AOC2: variants seen among roughly 807,000 people sequenced by gnomAD.
AOC2 encodes the protein amine oxidase [copper-containing] 2.
AOC2 carries 57 observed loss-of-function variants against 53.8 expected under a neutral mutation model. The observed-to-expected ratio is 1.06, with a 90% CI of 0.86 to 1.32. The LOEUF (loss-of-function observed/expected upper bound fraction) is 1.32. Ranked by LOEUF, AOC2 falls within the 40% of genes most tolerant of loss-of-function variation. The pLI, the probability that AOC2 is intolerant of heterozygous loss-of-function variation, is 0.00. For synonymous variants in AOC2, 404 were observed against 399.0 expected, an observed-to-expected ratio of 1.01 and a Z score of -0.15; for missense variants, 1,008 against 957.2, an observed-to-expected ratio of 1.05 and a Z score of -0.70.
In AOC2 at chr17:42,849,728, G is replaced by C; in HGVS notation, c.2002G>C (p.Glu668Gln). 1 of 1,614,214 alleles carries C rather than the reference G, an allele frequency of 6.2e-7. No homozygotes were observed. Among genetic ancestry groups the C allele is most frequent in the South Asian group, 1.1e-5 (1 of 91,078 alleles). ...CATCAACAATGAAACCCTCTTAGGAGAGGTTGGTTGCCCTAGGGACATAGG... is the reference window on the plus strand; with the variant it reads ...CATCAACAATGAAACCCTCTTAGGACAGGTTGGTTGCCCTAGGGACATAGG... The part of the protein sequence containing the change: ...DFINNETLLG[E>Q]DLVAWVTASF... Residue 668 changes from glutamate (E) to glutamine (Q), a missense_variant and splice_region_variant, in exon 3 of 4, where the codon GAG (glutamate) becomes CAG (glutamine). Physicochemically the swap from Glu to Gln is conservative, Grantham distance 29. Transcript: ENST00000253799.
At position 42,849,140 on chromosome 17, in the gene AOC2, C is replaced by G. The variant is rs1448097858; in HGVS notation, c.1643C>G (p.Pro548Arg). The G allele has an allele frequency of 6.2e-7, 1 of 1,614,132 alleles. No homozygotes were observed. The highest frequency in any genetic ancestry group is 8.5e-7 in the Non-Finnish European group (1 of 1,179,998). ...GTGGTGTTTAAACCTGTGGCTGCCC[C>G]CTGGAACCCGGAGCACTGGCTACAG... ...EDVVFKPVAAPWNPEHWLQRP... is the reference protein window; with the variant it reads ...EDVVFKPVAARWNPEHWLQRP... Residue 548 changes from proline (P) to arginine (R), a missense_variant, in exon 2 of 4, where the codon CCC becomes CGC. Transcript: ENST00000253799.
rs772023087 is a variant in AOC2, at chr17:42,844,924, C to A, written c.298C>A (p.Pro100Thr). The change falls in exon 1 of 4, where the codon CCC becomes ACC. Residue 100 changes from proline (P) to threonine (T), a missense_variant. Pro to Thr is a conservative substitution (Grantham distance 38). Coordinates refer to ENST00000253799, the MANE Select transcript of AOC2 (RefSeq NM_009590.4). ...NCIFSVELQL[P>T]PKAAALAHLD... ...CATCTTCTCAGTGGAGCTGCAGCTGCCCCCCAAGGCTGCAGCCCTGGCCCA... is the reference window on the plus strand; with the variant it reads ...CATCTTCTCAGTGGAGCTGCAGCTGACCCCCAAGGCTGCAGCCCTGGCCCA... 1 of 1,612,324 alleles carries A rather than the reference C, an allele frequency of 6.2e-7. No individual in the cohort carries two copies. Among genetic ancestry groups the A allele is most frequent in the Non-Finnish European group, 8.5e-7 (1 of 1,179,122 alleles).
At position 42,845,236 on chromosome 17, in the gene AOC2, G is replaced by A. The variant is rs762752009; in HGVS notation, c.610G>A (p.Ala204Thr). The A allele has an allele frequency of 6.2e-7, 1 of 1,614,072 alleles. No individual in the cohort carries two copies. The highest frequency in any genetic ancestry group is 1.1e-5 in the South Asian group (1 of 91,088). ...CAACTACAATGGCTCTACCCTGGCA[G>A]CTGTGCATGCCACCCCTCGGGGCTT... ...TFNYNGSTLAAVHATPRGLRS... is the reference protein window; with the variant it reads ...TFNYNGSTLATVHATPRGLRS... The change falls in exon 1 of 4, where the codon GCT (alanine) becomes ACT (threonine). Residue 204 changes from alanine (A) to threonine (T), a missense_variant. Coordinates refer to ENST00000253799, the MANE Select transcript of AOC2 (RefSeq NM_009590.4).
At position 42,847,626 on chromosome 17, in the gene AOC2, GT is replaced by G. The variant is rs1437342090; in HGVS notation, c.1588+1416del. 2.0e-5 allele frequency among the ~76,000 whole-genome samples: 3 copies of G among 152,192 alleles called. No homozygotes were observed. In the East Asian group the frequency reaches 5.8e-4, roughly 29 times the overall value. On this transcript the variant is annotated intron_variant, in intron 1 of 3. Transcript: ENST00000253799. Reference sequence around the variant, plus strand: ...GCAGGGGACCATGGGAAGGGATTGGGTTTTCTTTTTTTGAGGCAGTGTCTCA... The same window carrying G: ...GCAGGGGACCATGGGAAGGGATTGGGTTTCTTTTTTTGAGGCAGTGTCTCA...
chr17:42,847,377 G>A (rs1409845937), intron 1 of AOC2, among the ~76,000 whole-genome samples: 1 of 152,240 alleles, frequency 6.6e-6, no homozygotes, highest in East Asian at 1.9e-4. Flanking sequence ...TCAGTGCAGT[G>A]CCTCCCGTGC....
chr17:42,849,565 AT>A, intron 2 of AOC2, 35 bp from the exon 3 acceptor site: 1 of 1,614,132 alleles, frequency 6.2e-7, no homozygotes. Context: ...GGCACTTGAC[AT>A]TTCCCAAAAC....
At position 42,850,484 on chromosome 17, in the gene AOC2, C is replaced by T. The variant is rs1190345879; in HGVS notation, c.*136C>T. On this transcript the variant is annotated 3_prime_UTR_variant, in exon 4 of 4. Transcript: ENST00000253799. The stretch of plus-strand genomic sequence containing the variant: ...TGTTCCTCTCACACGAAACCCCCAT[C>T]AGTCCCTTTGGTTAATTCTTACTTC... 2.9e-6 allele frequency: 3 copies of T among 1,052,292 alleles called. No homozygotes were observed. Among genetic ancestry groups the T allele is most frequent in the Non-Finnish European group, 4.0e-6 (3 of 748,140 alleles). 65.2% of individuals were successfully genotyped at this position (1,052,292 alleles called of 1,614,324 possible). A position where few individuals can be genotyped will look rare whatever the true frequency, so the allele number is the denominator to read the frequency against.
Position 42,849,102 on chromosome 17 carries a change from G to C in AOC2, c.1605G>C (p.Val535=), listed in dbSNP as rs1260621926. 2 of 1,609,038 alleles carry C rather than the reference G, an allele frequency of 1.2e-6. No homozygotes were observed. Among genetic ancestry groups the C allele is most frequent in the Non-Finnish European group, 1.7e-6 (2 of 1,175,832 alleles). ...DLDVAGLKNW[V]VAEDVVFKPV... ...CCCTGGCAGGGCTGAAAAACTGGGT[G>C]GTAGCTGAAGACGTGGTGTTTAAAC... Residue 535 remains valine, a synonymous_variant, in exon 2 of 4, where the codon GTG becomes GTC. Transcript: ENST00000253799.
Position 42,844,892 on chromosome 17 carries a change from A to G in AOC2, c.266A>G (p.Asp89Gly), listed in dbSNP as rs2055578203. Reference sequence around the variant, plus strand: ...GACGCAGCCCAGGCTCAGCCCTCGGACAACTGCATCTTCTCAGTGGAGCTG... The same window carrying G: ...GACGCAGCCCAGGCTCAGCCCTCGGGCAACTGCATCTTCTCAGTGGAGCTG... Reference protein sequence around the residue: ...LVDAAQAQPSDNCIFSVELQL... With the variant: ...LVDAAQAQPSGNCIFSVELQL... Residue 89 changes from aspartate to glycine, a missense_variant, in exon 1 of 4, where the codon GAC becomes GGC. Asp to Gly is a moderately conservative substitution (Grantham distance 94). Transcript: ENST00000253799. 6.2e-7 allele frequency: 1 copy of G among 1,612,934 alleles called. No individual in the cohort carries two copies. The highest frequency in any genetic ancestry group is 2.2e-5 in the East Asian group (1 of 44,852).
intron 1 of AOC2, among the ~76,000 whole-genome samples, chr17:42,846,887 T>TA (rs1303619499): frequency 6.6e-6 from 1 of 152,158 alleles, no homozygotes; most frequent in Non-Finnish European, 1.5e-5. Context: ...GAAAGGAACT[T>TA]ACAGACTCAC....
At chr17:42,848,546 C>CGTAT (rs1405077172) in intron 1 of AOC2, among the ~76,000 whole-genome samples, 2 of 117,690 alleles carry the variant, frequency 1.7e-5, no homozygotes, top group African/African-American at 7.8e-5. Context: ...TATATATATA[C>CGTAT]ATATATATAT....
chr17:42,845,981 C>T lies in AOC2; in HGVS notation c.1355C>T (p.Ser452Leu), dbSNP rs750219081. 1.9e-6 allele frequency: 3 copies of T among 1,614,192 alleles called. No individual in the cohort carries two copies. The highest frequency in any genetic ancestry group is 1.7e-5 in the Admixed American group (1 of 60,024). The change falls in exon 1 of 4, where the codon TCA (serine) becomes TTA (leucine). Residue 452 changes from serine (S) to leucine (L), a missense_variant. Ser to Leu is a moderately radical substitution (Grantham distance 145). Transcript: ENST00000253799. ...CATTTCTATGGTGGTTTGGCCAGCT[C>T]AGCCCTTGTGGTCAGGTCTGTGTCA... ...QNHFYGGLAS[S>L]ALVVRSVSSV...
Position 42,845,528 on chromosome 17 carries a change from C to T in AOC2, c.902C>T (p.Ser301Phe), listed in dbSNP as rs2055589688. The change falls in exon 1 of 4, where the codon TCT (serine) becomes TTT (phenylalanine). Residue 301 changes from serine (S) to phenylalanine (F), a missense_variant. Physicochemically the swap from Ser to Phe is radical, Grantham distance 155. Transcript: ENST00000253799. ...NGASSLRSRNSPGPLPPLQFS... is the reference protein window; with the variant it reads ...NGASSLRSRNFPGPLPPLQFS... ...GCTTCATCCCTGAGGTCTCGGAACT[C>T]TCCAGGTCCTCTTCCCCCTCTTCAG... The T allele has an allele frequency of 6.2e-7, 1 of 1,614,092 alleles. No individual in the cohort carries two copies. The highest frequency in any genetic ancestry group is 1.7e-5 in the Admixed American group (1 of 60,006).
intron 1 of AOC2, among the ~76,000 whole-genome samples, chr17:42,846,424 G>A (rs547347500): frequency 2.0e-5 from 3 of 152,280 alleles, no homozygotes; most frequent in African/African-American, 4.8e-5. Context: ...TCTGGTAAAA[G>A]GTGAAAAGAG....
Position 42,845,566 on chromosome 17 carries a change from G to T in AOC2, c.940G>T (p.Gly314Cys), listed in dbSNP as rs375396788. The T allele has an allele frequency of 7.5e-5, 121 of 1,614,036 alleles. No individual in the cohort carries two copies. Among genetic ancestry groups the T allele is most frequent in the Middle Eastern group, 4.9e-4 (3 of 6,084 alleles). ...PLPPLQFSPQ[G>C]SQYSVQGNLV... ...TCCCCCTCTTCAGTTCTCGCCCCAG[G>T]GTTCCCAGTACAGTGTGCAAGGAAA... Residue 314 changes from glycine (G) to cysteine (C), a missense_variant, in exon 1 of 4, where the codon GGT (glycine) becomes TGT (cysteine). Gly to Cys is a radical substitution (Grantham distance 159). Transcript: ENST00000253799.
intron 1 of AOC2, among the ~76,000 whole-genome samples, chr17:42,846,583 C>T (rs1025155968): frequency 6.6e-6 from 1 of 152,032 alleles, no homozygotes; most frequent in Non-Finnish European, 1.5e-5. Flanking sequence ...CTTCCTAATT[C>T]TGAGGGTCAG....
Position 42,850,118 on chromosome 17 carries a change from A to AT in AOC2, c.2043dup (p.Pro682SerfsTer24). On this transcript the variant is annotated frameshift_variant, in exon 4 of 4. Coordinates refer to ENST00000253799, the MANE Select transcript of AOC2 (RefSeq NM_009590.4). LOFTEE classifies it high-confidence loss of function. ...TTGGGTCACAGCCAGCTTCCTGCAC[A>AT]TTCCCCATGCCGAGGACATCCCAAA... 1 of 1,614,168 alleles carries AT rather than the reference A, an allele frequency of 6.2e-7. No individual in the cohort carries two copies. Among genetic ancestry groups the AT allele is most frequent in the Non-Finnish European group, 8.5e-7 (1 of 1,180,010 alleles).
chr17:42,847,863 C>T (rs2055611099), intron 1 of AOC2, among the ~76,000 whole-genome samples: 2 of 151,838 alleles, frequency 1.3e-5, no homozygotes. Flanking sequence ...TCACCGCAAC[C>T]TCCACCTCCC....
chr17:42,845,173 G>A lies in AOC2; in HGVS notation c.547G>A (p.Glu183Lys), dbSNP rs1314052540. 6.2e-7 allele frequency: 1 copy of A among 1,613,782 alleles called. No homozygotes were observed. The highest frequency in any genetic ancestry group is 1.1e-5 in the South Asian group (1 of 91,082). The part of the protein sequence containing the change: ...TQMWRHLKEV[E>K]LPKAPIFLSS... ...GATGTGGAGGCATCTGAAAGAGGTG[G>A]AGCTACCCAAGGCACCCATCTTCCT... Residue 183 changes from glutamate to lysine, a missense_variant, in exon 1 of 4, where the codon GAG (glutamate) becomes AAG (lysine). Glu to Lys is a moderately conservative substitution (Grantham distance 56). Transcript: ENST00000253799.
Sources: allele counts gnomAD v4.1 joint callset (sites outside exome capture counted in the v4.1 genomes callset), GRCh38; gene constraint gnomAD v4.1.1; transcripts MANE v1.5; gene names NCBI Gene and HGNC (gene_info 2026-07-23, HGNC 2026-07-21).